IL1RAP: variants seen among roughly 807,000 people sequenced by gnomAD.
IL1RAP encodes the protein interleukin 1 receptor accessory protein.
IL1RAP carries 35 observed loss-of-function variants against 60.7 expected under a neutral mutation model. The ratio of observed to expected loss-of-function variants is 0.58; its 90% CI spans 0.44 to 0.76. The LOEUF is 0.76. Ranked by LOEUF, IL1RAP falls within the 30% of genes least tolerant of loss-of-function variation. IL1RAP has a pLI of 0.00. For missense variants in IL1RAP, 572 were observed against 693.9 expected (o/e 0.82, Z 1.97); for synonymous variants, 268 against 250.9 (o/e 1.07, Z -0.64).
chr3:190,610,332 G>A (rs917842470), intron 5 of IL1RAP, among the ~76,000 whole-genome samples: 1 of 151,924 alleles, frequency 6.6e-6, no homozygotes, highest in Non-Finnish European at 1.5e-5. Flanking sequence ...GATACAAGCT[G>A]TGAAAGAATA....
intron 1 of IL1RAP, among the ~76,000 whole-genome samples, chr3:190,544,885 A>C (rs1724238402): frequency 6.6e-6 from 1 of 152,244 alleles, no homozygotes; most frequent in Non-Finnish European, 1.5e-5. Context: ...ACTGAGGGTG[A>C]ATTACTAAAG....
At chr3:190,570,280 C>T (rs539113563) in intron 3 of IL1RAP, among the ~76,000 whole-genome samples, 4 of 152,224 alleles carry the variant, frequency 2.6e-5, no homozygotes, top group Middle Eastern at 3.4e-3. Context: ...TTTGCCTTTG[C>T]GTGTTTTAGA....
At chr3:190,616,832 GAGCAT>G (rs1731320152) in intron 5 of IL1RAP, among the ~76,000 whole-genome samples, 1 of 152,046 alleles carries the variant, frequency 6.6e-6, no homozygotes, top group Admixed American at 6.6e-5. Flanking sequence ...CTAACGTGTC[GAGCAT>G]TTACCAAGCA....
chr3:190,542,753 G>A (rs1304022945), intron 1 of IL1RAP, among the ~76,000 whole-genome samples: 2 of 152,002 alleles, frequency 1.3e-5, no homozygotes, highest in African/African-American at 4.8e-5. Context: ...AAGGGCTCAA[G>A]GAATTTCTGT....
Position 190,648,432 on chromosome 3 carries a change from C to A in IL1RAP, c.1440C>A (p.Leu480=), listed in dbSNP as rs745913544. ...PNYVLQGTQA[L]LELKAGLENM... ...ACGTGCTCCAGGGAACCCAAGCCCT[C>A]CTGGAGCTCAAGGCTGGCCTAGAAA... Residue 480 remains leucine (L), a synonymous_variant, in exon 12 of 12, where the codon CTC becomes CTA. Coordinates refer to ENST00000447382, the MANE Select transcript of IL1RAP (RefSeq NM_002182.4). 1 of 1,614,154 alleles carries A rather than the reference C, an allele frequency of 6.2e-7. No homozygotes were observed. Among genetic ancestry groups the A allele is most frequent in the Non-Finnish European group, 8.5e-7 (1 of 1,180,022 alleles).
At chr3:190,628,371 A>G (rs1205889585) in intron 8 of IL1RAP, among the ~76,000 whole-genome samples, 2 of 152,344 alleles carry the variant, frequency 1.3e-5, no homozygotes, top group East Asian at 1.9e-4. Flanking sequence ...AAGGAAAGTC[A>G]TGTTGTTCCA....
chr3:190,516,978 C>T (rs1721579387), intron 1 of IL1RAP, among the ~76,000 whole-genome samples: 2 of 152,210 alleles, frequency 1.3e-5, no homozygotes, highest in Non-Finnish European at 1.5e-5. Flanking sequence ...TCCCATCACA[C>T]TCTGTTTCCT....
At chr3:190,592,506 G>A (rs1459971691) in intron 3 of IL1RAP, among the ~76,000 whole-genome samples, 10 of 152,298 alleles carry the variant, frequency 6.6e-5, no homozygotes, top group African/African-American at 2.4e-4. Context: ...AAACAGCCTG[G>A]AGACCTTCAG....
At chr3:190,636,415 G>A (rs1355524309) in intron 9 of IL1RAP, among the ~76,000 whole-genome samples, 5 of 152,066 alleles carry the variant, frequency 3.3e-5, no homozygotes, top group African/African-American at 1.2e-4. Flanking sequence ...GCTTATTTAG[G>A]ATTGACAAGT....
chr3:190,655,704 G>A (rs1734595451), downstream of IL1RAP, among the ~76,000 whole-genome samples: 1 of 152,086 alleles, frequency 6.6e-6, no homozygotes, highest in South Asian at 2.1e-4. Context: ...CTTGAAGGCA[G>A]TAAATTCTTA....
chr3:190,591,571 C>T (rs1475962725), intron 3 of IL1RAP, among the ~76,000 whole-genome samples: 1 of 152,148 alleles, frequency 6.6e-6, no homozygotes, highest in Non-Finnish European at 1.5e-5. Context: ...TTCTGGGACT[C>T]TAATGATAAC....
chr3:190,644,968 A>G (rs1353660573), intron 10 of IL1RAP, among the ~76,000 whole-genome samples: 1 of 152,198 alleles, frequency 6.6e-6, no homozygotes, highest in Non-Finnish European at 1.5e-5. Flanking sequence ...CAGCAGCAAC[A>G]TATCACGTGT....
chr3:190,605,941 T>C (rs1001985218), intron 4 of IL1RAP, among the ~76,000 whole-genome samples: 3 of 152,198 alleles, frequency 2.0e-5, no homozygotes, highest in Non-Finnish European at 2.9e-5. Context: ...TAATCACAAA[T>C]GTTTTTTCTC....
At chr3:190,638,189 C>T (rs1010864082) in intron 9 of IL1RAP, among the ~76,000 whole-genome samples, 1 of 152,084 alleles carries the variant, frequency 6.6e-6, no homozygotes, top group African/African-American at 2.4e-5. Flanking sequence ...TTAGTTTTAT[C>T]AGAAACTGTT....
At chr3:190,599,498 TTTCC>T (rs1729667351) in intron 3 of IL1RAP, among the ~76,000 whole-genome samples, 1 of 151,950 alleles carries the variant, frequency 6.6e-6, no homozygotes. Context: ...ACTTTTTTTT[TTTCC>T]TTTCCTTTCT....
At chr3:190,552,242 C>T (rs1241477816) in intron 1 of IL1RAP, among the ~76,000 whole-genome samples, 1 of 152,096 alleles carries the variant, frequency 6.6e-6, no homozygotes, top group Non-Finnish European at 1.5e-5. Context: ...AAGCAAAAAT[C>T]CTTTTATAGC....
At chr3:190,643,623 G>A (rs1733812502) in intron 9 of IL1RAP, among the ~76,000 whole-genome samples, 1 of 152,194 alleles carries the variant, frequency 6.6e-6, no homozygotes, top group Non-Finnish European at 1.5e-5. Flanking sequence ...CTGTGAACAT[G>A]GGAAATAACT....
intron 3 of IL1RAP, among the ~76,000 whole-genome samples, chr3:190,571,694 T>C (rs1017913072): frequency 2.0e-5 from 3 of 152,200 alleles, no homozygotes; most frequent in African/African-American, 7.2e-5. Flanking sequence ...TTACCATTTT[T>C]GGAGTGAGAA....
chr3:190,538,784 G>A (rs1052796554), intron 1 of IL1RAP, among the ~76,000 whole-genome samples: 3 of 151,922 alleles, frequency 2.0e-5, no homozygotes, highest in Non-Finnish European at 2.9e-5. Flanking sequence ...TCATGGGGAC[G>A]GTTACCCCCA....
Sources: allele counts gnomAD v4.1 joint callset (sites outside exome capture counted in the v4.1 genomes callset), GRCh38; gene constraint gnomAD v4.1.1; transcripts MANE v1.5; gene names NCBI Gene and HGNC (gene_info 2026-07-23, HGNC 2026-07-21).